The following CASK variants were observed in gnomAD, a reference collection of about 807,000 sequenced individuals.
CASK encodes the protein peripheral plasma membrane protein CASK.
A neutral mutation model predicts 82.9 loss-of-function variants in CASK; 4 were observed. The observed-to-expected ratio is 0.05, with a 90% CI of 0.02 to 0.11. The LOEUF is 0.11. CASK is among the 10% of genes least tolerant of loss of function. The pLI, the probability that CASK is intolerant of heterozygous loss-of-function variation, is 1.00. For missense variants in CASK, 358 were observed against 720.9 expected, an observed-to-expected ratio of 0.50 and a Z score of 5.76; for synonymous variants, 259 against 253.5, an observed-to-expected ratio of 1.02 and a Z score of -0.20.
At chrX:41,860,216 A>G (rs180877273) in intron 1 of CASK, among the ~76,000 whole-genome samples, 51 of 110,675 alleles carry the variant, frequency 4.6e-4, no homozygotes, top group African/African-American at 1.5e-3. Flanking sequence ...TTGAGAAATC[A>G]TGGTGCTTCT....
intron 8 of CASK, among the ~76,000 whole-genome samples, chrX:41,645,529 G>A (rs916256389): frequency 4.5e-5 from 5 of 110,964 alleles, no homozygotes; most frequent in African/African-American, 1.3e-4. Flanking sequence ...GAGAAAAGAC[G>A]TCTGTGTCAG....
At chrX:41,754,914 C>T (rs186485322) in intron 3 of CASK, among the ~76,000 whole-genome samples, 81 of 98,187 alleles carry the variant, frequency 8.2e-4, no homozygotes, top group Middle Eastern at 5.8e-3. Context: ...GAGTCTCGCT[C>T]TGTCACCAGG....
At position 41,659,601 on chromosome X, in the gene CASK, G is replaced by T. The variant is rs748786855; in HGVS notation, c.831+838C>A. 6.3e-3 allele frequency among the ~76,000 whole-genome samples: 698 copies of T among 111,348 alleles called. 9 individuals are homozygous for T. Among genetic ancestry groups the T allele is most frequent in the African/African-American group, 0.022 (675 of 30,638 alleles). ...AAAATGAAAATTGCCTGGAATTATT[G>T]GGCTGTATAATGTTTTAATCAAAAA... On this transcript the variant is annotated intron_variant, in intron 8 of 26. Transcript: ENST00000378163.
At chrX:41,690,360 T>G (rs1392804041) in intron 5 of CASK, among the ~76,000 whole-genome samples, 2 of 110,713 alleles carry the variant, frequency 1.8e-5, no homozygotes, top group Non-Finnish European at 3.8e-5. Context: ...AAAAAATTTT[T>G]TTTTGAGACA....
intron 8 of CASK, among the ~76,000 whole-genome samples, chrX:41,646,041 C>T (rs1439594656): frequency 9.0e-6 from 1 of 111,090 alleles, no homozygotes; most frequent in Non-Finnish European, 1.9e-5. Context: ...TTATAAATAC[C>T]CCCCTCTGTG....
chrX:41,686,314 T>C (rs1175593716), intron 5 of CASK, among the ~76,000 whole-genome samples: 1 of 110,862 alleles, frequency 9.0e-6, no homozygotes, highest in African/African-American at 3.3e-5. Context: ...GGTCTCGAAC[T>C]CCTGACCCTC....
chrX:41,923,019 A>T lies in CASK; in HGVS notation c.-31T>A. 8.4e-7 allele frequency: 1 copy of T among 1,193,498 alleles called. No individual in the cohort carries two copies. Among genetic ancestry groups the T allele is most frequent in the Non-Finnish European group, 1.1e-6 (1 of 879,805 alleles). ...GGAGGGGATAGCGGCCGCAGCGTGG[A>T]GGGCTTCGAAAACGGGGGTGGGGGC... On this transcript the variant is annotated 5_prime_UTR_variant, in exon 1 of 27. Transcript: ENST00000378163.
chrX:41,880,164 C>T (rs1319189986), intron 1 of CASK, among the ~76,000 whole-genome samples: 1 of 111,602 alleles, frequency 9.0e-6, no homozygotes, highest in Non-Finnish European at 1.9e-5. Context: ...ATTTTCTCAG[C>T]ACTTCTAAAA....
chrX:41,648,887 G>A (rs1230502144), intron 8 of CASK, among the ~76,000 whole-genome samples: 2 of 111,372 alleles, frequency 1.8e-5, no homozygotes, highest in East Asian at 5.7e-4. Flanking sequence ...TCTGGTCCTG[G>A]ACTTTTTTGC....
intron 12 of CASK, among the ~76,000 whole-genome samples, chrX:41,597,662 T>C (rs946004536): frequency 5.3e-5 from 6 of 112,240 alleles, no homozygotes; most frequent in African/African-American, 1.9e-4. Context: ...CAGCCATCAA[T>C]ACATAACAGG....
chrX:41,690,102 G>A (rs928862274), intron 5 of CASK, among the ~76,000 whole-genome samples: 13 of 111,433 alleles, frequency 1.2e-4, no homozygotes, highest in African/African-American at 2.0e-4. Flanking sequence ...CAAAACTATT[G>A]TGACCACTTC....
chrX:41,756,753 C>T (rs761939973), intron 3 of CASK, among the ~76,000 whole-genome samples: 1 of 112,077 alleles, frequency 8.9e-6, no homozygotes, highest in African/African-American at 3.2e-5. Flanking sequence ...ATTTTACTTA[C>T]GAGAAAACTG....
chrX:41,636,011 C>T (rs2066547621), intron 9 of CASK, among the ~76,000 whole-genome samples: 1 of 105,983 alleles, frequency 9.4e-6, no homozygotes, highest in Non-Finnish European at 1.9e-5. Flanking sequence ...ATTCTCCTGC[C>T]TCAGCCTCCC....
intron 2 of CASK, among the ~76,000 whole-genome samples, chrX:41,793,298 A>G (rs1038985540): frequency 8.9e-6 from 1 of 112,066 alleles, no homozygotes; most frequent in African/African-American, 3.2e-5. Context: ...GCTCAATGAT[A>G]TAAATCACAC....
intron 12 of CASK, among the ~76,000 whole-genome samples, chrX:41,608,204 T>C (rs950861438): frequency 8.9e-6 from 1 of 112,248 alleles, no homozygotes; most frequent in Non-Finnish European, 1.9e-5. Flanking sequence ...TGTGCCCAAA[T>C]TAGTTTGAGA....
intron 8 of CASK, among the ~76,000 whole-genome samples, chrX:41,642,618 T>G (rs2147391645): frequency 8.9e-6 from 1 of 112,319 alleles, no homozygotes; most frequent in African/African-American, 3.2e-5. Context: ...TGTAAATTTG[T>G]TTAAGTTCTT....
At chrX:41,729,166 T>G (rs150788496) in intron 5 of CASK, 2 of 123,605 alleles carry the variant, frequency 1.6e-5, no homozygotes, top group East Asian at 5.6e-4. Flanking sequence ...GTTATACTTC[T>G]TGGGTTCAAT....
intron 3 of CASK, chrX:41,748,483 C>A: frequency 5.6e-6 from 1 of 179,479 alleles, no homozygotes; most frequent in Non-Finnish European, 1.1e-5. Context: ...AGTAAAATGG[C>A]AGAATAACCT....
At chrX:41,706,385 C>T (rs1483076466) in intron 5 of CASK, among the ~76,000 whole-genome samples, 1 of 111,065 alleles carries the variant, frequency 9.0e-6, no homozygotes, top group Non-Finnish European at 1.9e-5. Flanking sequence ...AGGGAATAAG[C>T]ATGGTAGGAG....
Sources: allele counts gnomAD v4.1 joint callset (sites outside exome capture counted in the v4.1 genomes callset), GRCh38; gene constraint gnomAD v4.1.1; transcripts MANE v1.5; gene names NCBI Gene and HGNC (gene_info 2026-07-23, HGNC 2026-07-21).